Variants in KIF25 observed in about 807,000 individuals in gnomAD.
The protein encoded by KIF25 is kinesin family member 25, also known as kinesin-like protein KIF25.
Under a neutral mutation model 32.9 loss-of-function variants are expected in KIF25, and 19 were observed. The ratio of observed to expected loss-of-function variants is 0.58; its 90% confidence interval spans 0.40 to 0.85. The LOEUF (loss-of-function observed/expected upper bound fraction) is 0.85. Among genes scored for constraint, KIF25 ranks in the 40% least tolerant of loss-of-function variants. KIF25 has a pLI of 0.00. For synonymous variants in KIF25, 225 were observed against 213.7 expected (o/e 1.05, Z -0.46); for missense variants, 485 against 507.0 (o/e 0.96, Z 0.42).
rs750340386 is a variant in KIF25 at position 168,038,587 on chromosome 6, G to C, written c.352G>C (p.Val118Leu). The part of the protein sequence containing the change: ...ILENTSRSPK[V>L]EVSIVEVYNN... ...GGAAAATACCTCAAGAAGCCCAAAG[G>C]TTGAAGTCTCCATAGTGGAAGTTTA... The change falls in exon 9 of 13, where the codon GTT (valine) becomes CTT (leucine). Residue 118 changes from valine to leucine, a missense_variant. Physicochemically the swap from Val to Leu is conservative, Grantham distance 32. Around this residue, in one of 2 missense-constraint regions of KIF25, gnomAD observed 480 missense variants for 470.3 expected, o/e 1.02. Transcript: ENST00000643607. 1.9e-6 allele frequency: 3 copies of C among 1,614,150 alleles called. No individual in the cohort carries two copies. The highest frequency in any genetic ancestry group is 2.5e-6 in the Non-Finnish European group (3 of 1,180,014).
intron 5 of KIF25, 112 bp downstream of exon 5, chr6:168,018,152 G>T (rs765319465): frequency 1.3e-5 from 2 of 152,304 alleles, no homozygotes; most frequent in Non-Finnish European, 2.9e-5. Context: ...TTGACTAATT[G>T]TGATTATAAA....
chr6:168,010,224 G>C (rs998963621), intron 4 of KIF25, among the ~76,000 whole-genome samples: 1 of 151,350 alleles, frequency 6.6e-6, no homozygotes, highest in Non-Finnish European at 1.5e-5. Flanking sequence ...TACTGCTTTT[G>C]CTGTGTCCCA....
chr6:168,028,934 G>A (rs1010397873), intron 5 of KIF25, among the ~76,000 whole-genome samples: 1 of 152,098 alleles, frequency 6.6e-6, no homozygotes, highest in African/African-American at 2.4e-5. Context: ...TTAATTTTAT[G>A]ACCTGCTGTT....
In KIF25 at chr6:168,028,477, C is replaced by T. The variant is rs562271773; in HGVS notation, c.-94-1015C>T. Among the ~76,000 whole-genome samples the T allele has an allele frequency of 3.3e-5, 5 of 152,326 alleles. No homozygotes were observed. The East Asian group carries it at 9.6e-4, about 29-fold the overall frequency. ...TACTTACTAATTCACGCAGCAAGAC[C>T]AAGCTGTCATAGATAGAGTCTCAGA... On this transcript the variant is annotated intron_variant, in intron 5 of 12. Coordinates refer to ENST00000643607, the MANE Select transcript of KIF25 (RefSeq NM_030615.4).
At chr6:168,007,189 T>C (rs1297986175) in intron 4 of KIF25, among the ~76,000 whole-genome samples, 1 of 152,148 alleles carries the variant, frequency 6.6e-6, no homozygotes, top group African/African-American at 2.4e-5. Context: ...GGCAGATGGA[T>C]CACCTGAGGC....
Position 168,038,673 on chromosome 6 carries a change from G to T in KIF25, c.438G>T (p.Lys146Asn). 1 of 1,614,214 alleles carries T rather than the reference G, an allele frequency of 6.2e-7. No homozygotes were observed. The highest frequency in any genetic ancestry group is 8.5e-7 in the Non-Finnish European group (1 of 1,180,040). The change falls in exon 9 of 13, where the codon AAG becomes AAT. Residue 146 changes from lysine to asparagine, a missense_variant. Physicochemically the swap from Lys to Asn is moderately conservative, Grantham distance 94. Around this residue, in one of 2 missense-constraint regions of KIF25, gnomAD observed 480 missense variants for 470.3 expected, o/e 1.02. Transcript: ENST00000643607. ...GCATTGCAGCAGTGTCGGGGGTCAA[G>T]CGTGAGGTGGTGACAGCCAAGGATG... ...KDSIAAVSGVKREVVTAKDGR... is the reference protein window; with the variant it reads ...KDSIAAVSGVNREVVTAKDGR...
In KIF25 at chr6:168,040,079, C is replaced by T. The variant is rs373239018; in HGVS notation, c.509C>T (p.Ala170Val). The part of the protein sequence containing the change: ...ALLASEAVGS[A>V]SKLMELVHGG... Reference sequence around the variant, plus strand: ...CTTGTCTGTAGGGCTGTCGGCAGCGCCTCGAAACTGATGGAGCTCGTTCAT... The same window carrying T: ...CTTGTCTGTAGGGCTGTCGGCAGCGTCTCGAAACTGATGGAGCTCGTTCAT... The change falls in exon 10 of 13, where the codon GCC becomes GTC. Residue 170 changes from alanine (A) to valine (V), a missense_variant. Physicochemically the swap from Ala to Val is moderately conservative, Grantham distance 64. Transcript: ENST00000643607. The T allele has an allele frequency of 6.2e-7, 1 of 1,613,268 alleles. No homozygotes were observed. The highest frequency in any genetic ancestry group is 2.2e-5 in the East Asian group (1 of 44,850).
At chr6:168,042,177 G>T (rs1354494535) in intron 11 of KIF25, 26 bp downstream of exon 11, 1 of 1,542,186 alleles carries the variant, frequency 6.5e-7, no homozygotes, top group East Asian at 2.5e-5. Flanking sequence ...CATTTCCCTG[G>T]GGGGTGGGTG....
rs181810345 is a variant in KIF25 at position 168,042,862 on chromosome 6, C to A, written c.985+146C>A. On this transcript the variant is annotated intron_variant, in intron 12 of 12. Transcript: ENST00000643607. The stretch of plus-strand genomic sequence containing the variant: ...TCGCTGTGGCTAGCTGGCACTCCCA[C>A]GGCACGGTGGTCATTCTCCTGCGCC... The A allele has an allele frequency of 9.1e-4, 865 of 946,080 alleles. 7 individuals are homozygous for A. In the African/African-American group the frequency reaches 0.012, roughly 14 times the overall value. The allele number at this position is 946,080 out of a possible 1,614,324, so 58.6% of individuals were successfully genotyped here.
At chr6:168,032,508 T>C (rs1335860384) in intron 7 of KIF25, among the ~76,000 whole-genome samples, 1 of 152,216 alleles carries the variant, frequency 6.6e-6, no homozygotes, top group Non-Finnish European at 1.5e-5. Context: ...CACAGGATGG[T>C]AACGCAGAGG....
intron 9 of KIF25, among the ~76,000 whole-genome samples, chr6:168,039,022 CACAATGTATT>C (rs1799077173): frequency 6.6e-6 from 1 of 151,320 alleles, no homozygotes; most frequent in Admixed American, 6.6e-5. Flanking sequence ...GTGATCATTT[CACAATGTATT>C]CGCATATCAA....
chr6:168,029,937 C>T (rs960634621), intron 6 of KIF25, among the ~76,000 whole-genome samples: 3 of 152,088 alleles, frequency 2.0e-5, no homozygotes, highest in Admixed American at 1.3e-4. Context: ...ATCAACTGAG[C>T]GTCAGGACAC....
intron 5 of KIF25, among the ~76,000 whole-genome samples, chr6:168,023,000 G>A (rs1798808472): frequency 6.6e-6 from 1 of 152,066 alleles, no homozygotes; most frequent in African/African-American, 2.4e-5. Flanking sequence ...TCCTCATCTA[G>A]ACTCTCAGGC....
intron 5 of KIF25, among the ~76,000 whole-genome samples, chr6:168,026,388 A>G (rs1178788048): frequency 2.6e-5 from 4 of 152,216 alleles, no homozygotes; most frequent in African/African-American, 9.6e-5. Flanking sequence ...CTGTCTATCT[A>G]TAGAGTTAGG....
intron 5 of KIF25, among the ~76,000 whole-genome samples, chr6:168,018,958 C>T (rs145813057): frequency 9.1e-4 from 139 of 152,288 alleles, no homozygotes; most frequent in Non-Finnish European, 1.5e-3. Context: ...GGGAGGAGCC[C>T]GGGAGAAAGT....
In KIF25 at chr6:168,029,662, A is replaced by C. The variant is rs1371181363; in HGVS notation, c.77A>C (p.Asp26Ala). 6.3e-7 allele frequency: 1 copy of C among 1,587,106 alleles called. No individual in the cohort carries two copies. Among genetic ancestry groups the C allele is most frequent in the African/African-American group, 1.4e-5 (1 of 70,668 alleles). The change falls in exon 6 of 13, where the codon GAT becomes GCT. Residue 26 changes from aspartate (D) to alanine (A), a missense_variant. This residue lies in a region of KIF25 where 5 missense variants were observed against 36.7 expected (regional missense o/e 0.14). Transcript: ENST00000643607. ...PGSGAVLAFPDDKDLRVYGPA... is the reference protein window; with the variant it reads ...PGSGAVLAFPADKDLRVYGPA... Reference sequence around the variant, plus strand: ...TCTGGAGCCGTCCTGGCCTTCCCAGATGACAAGGACCTCAGGTCAGCTTCA... The same window carrying C: ...TCTGGAGCCGTCCTGGCCTTCCCAGCTGACAAGGACCTCAGGTCAGCTTCA...
At chr6:168,043,750 G>T (rs1436457645) in intron 12 of KIF25, among the ~76,000 whole-genome samples, 1 of 152,238 alleles carries the variant, frequency 6.6e-6, no homozygotes, top group Non-Finnish European at 1.5e-5. Flanking sequence ...AGAGCCAGCA[G>T]GTCCCTCATG....
At chr6:168,009,618 G>GT (rs534431916) in intron 4 of KIF25, among the ~76,000 whole-genome samples, 10 of 151,542 alleles carry the variant, frequency 6.6e-5, no homozygotes, top group Admixed American at 1.3e-4. Context: ...CCCTGCTTCA[G>GT]TTTTTTTTGC....
intron 4 of KIF25, among the ~76,000 whole-genome samples, chr6:168,006,743 A>G (rs930476458): frequency 1.3e-5 from 2 of 149,644 alleles, no homozygotes. Context: ...CATTTTGAAG[A>G]TGATTTTGTG....
Sources: gnomAD v4.1 joint callset for allele counts (sites outside exome capture counted in the v4.1 genomes callset) on GRCh38, gnomAD v4.1.1 for gene constraint, gnomAD v4.1.1 regional missense constraint, MANE v1.5 for transcripts, NCBI Gene and HGNC (gene_info 2026-07-23, HGNC 2026-07-21) for gene names.